The following VPS35 variants were observed in gnomAD, a reference collection of about 807,000 sequenced individuals.
VPS35 encodes VPS35 retromer complex component.
In VPS35, 21 loss-of-function variants were observed where a neutral mutation model predicts 98.1. The ratio of observed to expected loss-of-function variants is 0.21; its 90% CI spans 0.15 to 0.31. The LOEUF is 0.31. Ranked by LOEUF, VPS35 falls within the 10% of genes least tolerant of loss-of-function variation. The pLI, the probability that VPS35 is intolerant of heterozygous loss-of-function variation, is 1.00. For synonymous variants in VPS35, 268 were observed against 318.2 expected (o/e 0.84, Z 1.68); for missense variants, 554 against 950.8 (o/e 0.58, Z 5.49).
chr16:46,664,723 A>G (rs1427701598), intron 13 of VPS35, among the ~76,000 whole-genome samples: 1 of 150,996 alleles, frequency 6.6e-6, no homozygotes, highest in Non-Finnish European at 1.5e-5. Flanking sequence ...GTTTCTCCAT[A>G]TTGGTCAGGC....
At position 46,662,437 on chromosome 16, in the gene VPS35, G is replaced by C. The variant is rs1965927621; in HGVS notation, c.1873C>G (p.Leu625Val). ...CCAATGATCAAGGTGATGGCAGCTA[G>C]CTGTGCTTTGGAATCGCTGATTTCA... ...EDEISDSKAQ[L>V]AAITLIIGTF... The change falls in exon 15 of 17, where the codon CTA becomes GTA. Residue 625 changes from leucine to valine, a missense_variant. Coordinates refer to ENST00000299138, the MANE Select transcript of VPS35 (RefSeq NM_018206.6). 1 of 1,614,066 alleles carries C rather than the reference G, an allele frequency of 6.2e-7. No homozygotes were observed. The highest frequency in any genetic ancestry group is 1.3e-5 in the African/African-American group (1 of 74,934).
intron 1 of VPS35, 148 bp downstream of exon 1, chr16:46,688,983 T>C (rs1318219024): frequency 2.6e-6 from 4 of 1,529,306 alleles, no homozygotes; most frequent in East Asian, 4.9e-5. Context: ...CCTCCTGCTG[T>C]CCCCTATCCC....
In VPS35 at chr16:46,679,711, C is replaced by T. The variant is rs1371520846; in HGVS notation, c.507-555G>A. Among the ~76,000 whole-genome samples the T allele has an allele frequency of 3.9e-5, 6 of 152,280 alleles. No homozygotes were observed. In the East Asian group the frequency reaches 5.8e-4, roughly 15 times the overall value. On this transcript the variant is annotated intron_variant, in intron 5 of 16. Coordinates refer to ENST00000299138, the MANE Select transcript of VPS35 (RefSeq NM_018206.6). ...ATGGATTTCCTGCTTTATTTTTCTA[C>T]GTCTCCTAGGATGGAGACCTCAGTA...
rs1324849965 is a variant in VPS35, at chr16:46,660,467, C to G, written c.*5G>C. The G allele has an allele frequency of 6.2e-7, 1 of 1,613,582 alleles. No individual in the cohort carries two copies. The highest frequency in any genetic ancestry group is 1.6e-4 in the Middle Eastern group (1 of 6,062). ...TGGAAAGGAGTATGGTGAGCTATTT[C>G]CTTTTTAAAGGATGAGACCTTCATA... On this transcript the variant is annotated 3_prime_UTR_variant, in exon 17 of 17. Transcript: ENST00000299138.
intron 5 of VPS35, among the ~76,000 whole-genome samples, 183 bp downstream of exon 5, chr16:46,680,488 T>C (rs1966218371): frequency 6.6e-6 from 1 of 152,256 alleles, no homozygotes; most frequent in Admixed American, 6.5e-5. Context: ...GAGTACATTT[T>C]AGATGATACC....
rs1966225300 is a variant in VPS35 at position 46,680,976 on chromosome 16, G to A, written c.324-123C>T. The A allele has an allele frequency of 1.1e-5, 11 of 1,044,270 alleles. No homozygotes were observed. The South Asian group carries it at 1.6e-4, about 15-fold the overall frequency. 64.7% of individuals were successfully genotyped at this position (1,044,270 alleles called of 1,614,324 possible). ...GGAACCATGTTGTTTTCTCCCGCAT[G>A]ACAAGGAAAATATCTCATTTAAAAT... On this transcript the variant is annotated intron_variant, in intron 4 of 16. Transcript: ENST00000299138.
chr16:46,683,239 T>G, intron 2 of VPS35: 1 of 504,270 alleles, frequency 2.0e-6, no homozygotes. Flanking sequence ...TACAGTAATG[T>G]GTAAATAAAA....
intron 12 of VPS35, 197 bp from the exon 13 acceptor site, chr16:46,669,249 C>G: frequency 3.0e-6 from 2 of 669,294 alleles, no homozygotes; most frequent in Non-Finnish European, 5.0e-6. Context: ...TTCCATTTCA[C>G]AAATGGGGAA....
intron 2 of VPS35, chr16:46,683,270 T>C (rs1465009114): frequency 1.8e-6 from 1 of 565,908 alleles, no homozygotes. Context: ...CTTATTCTTA[T>C]GAGCTTGTAT....
chr16:46,684,629 G>A (rs1966284675), intron 1 of VPS35, among the ~76,000 whole-genome samples: 1 of 152,096 alleles, frequency 6.6e-6, no homozygotes, highest in Non-Finnish European at 1.5e-5. Context: ...TATAAACACT[G>A]TTTACATCTC....
chr16:46,660,875 G>GT, intron 16 of VPS35: 2 of 533,250 alleles, frequency 3.8e-6, no homozygotes, highest in South Asian at 3.3e-5. Flanking sequence ...GCTCGGCTCA[G>GT]TGGCTCATCC....
At chr16:46,680,550 C>T in intron 5 of VPS35, 121 bp downstream of exon 5, 2 of 1,062,776 alleles carry the variant, frequency 1.9e-6, no homozygotes, top group Non-Finnish European at 2.8e-6. Flanking sequence ...ACAAATGCTA[C>T]CTAAATGGCT....
chr16:46,681,660 C>A (rs1966237782), intron 3 of VPS35, 160 bp from the exon 4 acceptor site: 2 of 848,150 alleles, frequency 2.4e-6, no homozygotes, highest in South Asian at 1.6e-5. Context: ...ACTTTTCTTA[C>A]TTTAAAATAA....
At chr16:46,688,705 A>G (rs972242854) in intron 1 of VPS35, 1 of 1,125,178 alleles carries the variant, frequency 8.9e-7, no homozygotes, top group Non-Finnish European at 1.1e-6. Context: ...GCACAAAGGT[A>G]GAAACGCAAC....
At chr16:46,665,427 T>C (rs1449703568) in intron 13 of VPS35, among the ~76,000 whole-genome samples, 1 of 151,962 alleles carries the variant, frequency 6.6e-6, no homozygotes, top group East Asian at 1.9e-4. Context: ...TGAGACTCTG[T>C]CTCTACAAAA....
chr16:46,683,493 C>T lies in VPS35; in HGVS notation c.102+15G>A. The T allele has an allele frequency of 6.2e-7, 1 of 1,611,154 alleles. No individual in the cohort carries two copies. ...ACACGAACTGCAACTGTGCCTCCCA[C>T]ATCTCCATTCTTACCAGGCATCTCT... is the stretch of plus-strand genomic sequence containing the variant. On this transcript the variant is annotated intron_variant, in intron 2 of 16. Coordinates refer to ENST00000299138, the MANE Select transcript of VPS35 (RefSeq NM_018206.6).
chr16:46,679,194 AG>A (rs1399732850), intron 5 of VPS35, 38 bp from the exon 6 acceptor site: 2 of 1,523,864 alleles, frequency 1.3e-6, no homozygotes, highest in Admixed American at 3.9e-5. Context: ...CAGTATTTAC[AG>A]GACCAACTTA....
Position 46,656,531 on chromosome 16 carries a change from G to A in VPS35, c.*3941C>T, listed in dbSNP as rs1047146018. On this transcript the variant is annotated 3_prime_UTR_variant, in exon 17 of 17. Coordinates refer to ENST00000299138, the MANE Select transcript of VPS35 (RefSeq NM_018206.6). Reference sequence around the variant, plus strand: ...GCATAGGTAGAACTAACCTTGGGAAGTAATTTATAGTTTGACTCTCAAACA... The same window carrying A: ...GCATAGGTAGAACTAACCTTGGGAAATAATTTATAGTTTGACTCTCAAACA... The A allele has an allele frequency of 1.3e-5, 2 of 152,224 alleles. No homozygotes were observed. The highest frequency in any genetic ancestry group is 2.4e-5 in the African/African-American group (1 of 41,454). The allele number at this position is 152,224 out of a possible 1,614,324, so 9.4% of individuals were successfully genotyped here.
chr16:46,670,127 T>C (rs944776516), intron 12 of VPS35, among the ~76,000 whole-genome samples: 2 of 152,146 alleles, frequency 1.3e-5, no homozygotes, highest in African/African-American at 4.8e-5. Flanking sequence ...GTTTATAAAA[T>C]ATTTTTAGTA....
Sources: allele counts gnomAD v4.1 joint callset (sites outside exome capture counted in the v4.1 genomes callset), GRCh38; gene constraint gnomAD v4.1.1; transcripts MANE v1.5; gene names NCBI Gene and HGNC (gene_info 2026-07-23, HGNC 2026-07-21).